Variants in CELSR1 observed in about 807,000 individuals in gnomAD.
CELSR1 encodes cadherin EGF LAG seven-pass G-type receptor 1, also known as adhesion G protein-coupled receptor C1.
In CELSR1, 110 loss-of-function variants were observed where a neutral mutation model predicts 249.1. That is an observed-to-expected ratio of 0.44 (90% confidence interval 0.38 to 0.52). The LOEUF is 0.52. CELSR1 is among the 20% of genes least tolerant of loss of function. The pLI is 0.00. For missense variants in CELSR1, 4,109 were observed against 4,296.4 expected (o/e 0.96, Z 1.22); for synonymous variants, 2,113 against 1,900.0 (o/e 1.11, Z -2.92).
At chr22:46,513,095 T>C (rs2080590205) in intron 1 of CELSR1, among the ~76,000 whole-genome samples, 2 of 151,992 alleles carry the variant, frequency 1.3e-5, no homozygotes. Flanking sequence ...TGGGGCGAGA[T>C]TCAAACCCGC....
intron 24 of CELSR1, among the ~76,000 whole-genome samples, chr22:46,376,668 C>G (rs2078921514): frequency 6.6e-6 from 1 of 152,134 alleles, no homozygotes; most frequent in Non-Finnish European, 1.5e-5. Flanking sequence ...GAGCCACTGC[C>G]CTTAAATCAC....
intron 1 of CELSR1, among the ~76,000 whole-genome samples, chr22:46,521,413 G>A (rs1015088792): frequency 1.3e-5 from 2 of 152,136 alleles, no homozygotes; most frequent in Non-Finnish European, 2.9e-5. Context: ...GCTGAGGCAG[G>A]AGAATGGCAT....
rs111745131 is a variant in CELSR1 at position 46,518,661 on chromosome 22, G to A, written c.3544+14966C>T. 5.3e-5 allele frequency among the ~76,000 whole-genome samples: 8 copies of A among 152,300 alleles called. No homozygotes were observed. In the East Asian group the frequency reaches 5.8e-4, roughly 11 times the overall value. On this transcript the variant is annotated intron_variant, in intron 1 of 34. Coordinates refer to ENST00000674500, the MANE Select transcript of CELSR1 (RefSeq NM_001378328.1). This position sits in a 1 kb window ranked among gnomAD's most constrained non-coding sequence, Gnocchi z 5.2. ...GCACGGTGGCCCACGCCTGTAATCC[G>A]AGTGTGGCTGCGGTCTCTGCCTCCA...
chr22:46,440,441 C>T lies in CELSR1; in HGVS notation c.4184-1030G>A, dbSNP rs570259033. Among the ~76,000 whole-genome samples, 3 of 152,326 alleles carry T rather than the reference C, an allele frequency of 2.0e-5. No individual in the cohort carries two copies. The South Asian group carries it at 6.2e-4, about 32-fold the overall frequency. ...GTCTCCATCTCCTAACCTCGTGATC[C>T]GCCTGCCTTGGCCTCCCAAAGTGCT... On this transcript the variant is annotated intron_variant, in intron 2 of 34. Coordinates refer to ENST00000674500, the MANE Select transcript of CELSR1 (RefSeq NM_001378328.1). This position sits in a 1 kb window ranked among gnomAD's most constrained non-coding sequence, Gnocchi z 4.7.
At position 46,506,128 on chromosome 22, in the gene CELSR1, G is replaced by A. The variant is rs2080511842; in HGVS notation, c.3544+27499C>T. Reference sequence around the variant, plus strand: ...TGGGAGGACGAGGTTGCAGTGAGCTGAGATCACACCATTGCAGTCCAGCCT... The same window carrying A: ...TGGGAGGACGAGGTTGCAGTGAGCTAAGATCACACCATTGCAGTCCAGCCT... On this transcript the variant is annotated intron_variant, in intron 1 of 34. Coordinates refer to ENST00000674500, the MANE Select transcript of CELSR1 (RefSeq NM_001378328.1). The surrounding 1 kb of genome is among the most constrained non-coding windows in gnomAD (Gnocchi z 4.1). Among the ~76,000 whole-genome samples the A allele has an allele frequency of 6.7e-6, 1 of 149,248 alleles. No homozygotes were observed. The highest frequency in any genetic ancestry group is 2.1e-4 in the South Asian group (1 of 4,738).
At position 46,412,260 on chromosome 22, in the gene CELSR1, A is replaced by G. The variant is rs2079346267; in HGVS notation, c.4612-501T>C. On this transcript the variant is annotated intron_variant, in intron 5 of 34. Coordinates refer to ENST00000674500, the MANE Select transcript of CELSR1 (RefSeq NM_001378328.1). This position sits in a 1 kb window ranked among gnomAD's most constrained non-coding sequence, Gnocchi z 4.5. ...ACCCGCGCCTTGACTTCTAGGCACC[A>G]GACTGAGAGAGAATCATGTCTGTTG... 6.6e-6 allele frequency among the ~76,000 whole-genome samples: 1 copy of G among 152,178 alleles called. No individual in the cohort carries two copies. Among genetic ancestry groups the G allele is most frequent in the African/African-American group, 2.4e-5 (1 of 41,448 alleles).
chr22:46,517,701 T>C lies in CELSR1; in HGVS notation c.3544+15926A>G, dbSNP rs961437427. ...TTCATATTTTCCATTCTCTCCTCTT[T>C]GAAGAATTGGGAGAACTTGCGATTA... On this transcript the variant is annotated intron_variant, in intron 1 of 34. Coordinates refer to ENST00000674500, the MANE Select transcript of CELSR1 (RefSeq NM_001378328.1). This position sits in a 1 kb window ranked among gnomAD's most constrained non-coding sequence, Gnocchi z 5.4. Among the ~76,000 whole-genome samples the C allele has an allele frequency of 2.0e-5, 3 of 152,176 alleles. No individual in the cohort carries two copies. The highest frequency in any genetic ancestry group is 7.2e-5 in the African/African-American group (3 of 41,452).
intron 5 of CELSR1, among the ~76,000 whole-genome samples, chr22:46,431,141 G>T (rs6008822): frequency 0.34 from 51,578 of 152,162 alleles, 13,663 homozygotes; most frequent in African/African-American, 0.74. Context: ...CGTCCTCTGT[G>T]TATCTTCTTA....
rs1335363748 is a variant in CELSR1 at position 46,447,171 on chromosome 22, G to A, written c.4184-7760C>T. Among the ~76,000 whole-genome samples, 1 of 152,150 alleles carries A rather than the reference G, an allele frequency of 6.6e-6. No individual in the cohort carries two copies. The highest frequency in any genetic ancestry group is 1.5e-5 in the Non-Finnish European group (1 of 68,028). On this transcript the variant is annotated intron_variant, in intron 2 of 34. Transcript: ENST00000674500. The surrounding 1 kb of genome is among the most constrained non-coding windows in gnomAD (Gnocchi z 4.7). ...ATTTGTAAACACTCCCACCAAGGCT[G>A]AGTTGAAAAGAGATGTGATATGACA...
In CELSR1 at chr22:46,407,961, G is replaced by T. The variant is rs558775759; in HGVS notation, c.5226+1035C>A. Among the ~76,000 whole-genome samples the T allele has an allele frequency of 9.7e-3, 1,472 of 152,306 alleles. 28 individuals are homozygous for T. Among genetic ancestry groups the T allele is most frequent in the African/African-American group, 0.034 (1,394 of 41,564 alleles). ...AGAGGGGCAAGAGGGCAAGCCGAGG[G>T]CCGGGCACCCTCCTGGGGAGGGTCC... On this transcript the variant is annotated intron_variant, in intron 9 of 34. Transcript: ENST00000674500. This position sits in a 1 kb window ranked among gnomAD's most constrained non-coding sequence, Gnocchi z 4.8.
chr22:46,441,036 C>A lies in CELSR1; in HGVS notation c.4184-1625G>T, dbSNP rs1249415897. 1.3e-5 allele frequency among the ~76,000 whole-genome samples: 2 copies of A among 152,134 alleles called. No homozygotes were observed. Among genetic ancestry groups the A allele is most frequent in the East Asian group, 3.9e-4 (2 of 5,168 alleles). ...GGCGTGGTGGCGGGTGCCTGTAATC[C>A]CATCTACTCGGGAGGCTGAGGCAGG... On this transcript the variant is annotated intron_variant, in intron 2 of 34. Transcript: ENST00000674500. This position sits in a 1 kb window ranked among gnomAD's most constrained non-coding sequence, Gnocchi z 6.1.
At position 46,484,731 on chromosome 22, in the gene CELSR1, T is replaced by C. The variant is rs1213039400; in HGVS notation, c.3545-20386A>G. Among the ~76,000 whole-genome samples, 1 of 139,422 alleles carries C rather than the reference T, an allele frequency of 7.2e-6. No individual in the cohort carries two copies. Among genetic ancestry groups the C allele is most frequent in the East Asian group, 2.0e-4 (1 of 4,882 alleles). 91.5% of individuals were successfully genotyped at this position (139,422 alleles called of 152,430 possible). ...AGCGCTCACAGGGACCCCGCCCAGG[T>C]GCTGGGGAGGTCCGGCTGCTGCCTG... On this transcript the variant is annotated intron_variant, in intron 1 of 34. Transcript: ENST00000674500. This position sits in a 1 kb window ranked among gnomAD's most constrained non-coding sequence, Gnocchi z 4.5.
intron 30 of CELSR1, 26 bp downstream of exon 30, chr22:46,366,360 C>G (rs770301403): frequency 6.6e-7 from 1 of 1,513,262 alleles, no homozygotes; most frequent in Non-Finnish European, 8.9e-7. Flanking sequence ...AGAGCCACCT[C>G]CCCGAACCCG....
At chr22:46,497,839 G>C (rs540992340) in intron 1 of CELSR1, among the ~76,000 whole-genome samples, 2 of 152,194 alleles carry the variant, frequency 1.3e-5, no homozygotes, top group East Asian at 3.9e-4. Flanking sequence ...TATTTATTGA[G>C]CTCACACAGA....
At position 46,429,254 on chromosome 22, in the gene CELSR1, G is replaced by A. The variant is rs1025127929; in HGVS notation, c.4611+4139C>T. Among the ~76,000 whole-genome samples the A allele has an allele frequency of 2.6e-5, 4 of 152,176 alleles. No individual in the cohort carries two copies. Among genetic ancestry groups the A allele is most frequent in the African/African-American group, 9.7e-5 (4 of 41,434 alleles). ...ACTTAAGCATAATGAGGGCAAAACC[G>A]ATTCTCAAGTGGGGAGAACGTTTTC... is the stretch of plus-strand genomic sequence containing the variant. On this transcript the variant is annotated intron_variant, in intron 5 of 34. Coordinates refer to ENST00000674500, the MANE Select transcript of CELSR1 (RefSeq NM_001378328.1). This position sits in a 1 kb window ranked among gnomAD's most constrained non-coding sequence, Gnocchi z 4.1.
rs776745088 is a variant in CELSR1 at position 46,397,714 on chromosome 22, G to A, written c.5661C>T (p.Cys1887=). ...TSSPCPPNSR[C]HDAWEDYSCV... ...AGCTGTAGTCCTCCCAGGCGTCGTG[G>A]CAGCGGCTATTGGGGGGACAGGGGC... The change falls in exon 12 of 35, where the codon TGC becomes TGT. Residue 1887 remains cysteine, a synonymous_variant. Transcript: ENST00000674500. 6.3e-6 allele frequency: 10 copies of A among 1,578,396 alleles called. No homozygotes were observed. Among genetic ancestry groups the A allele is most frequent in the Admixed American group, 3.6e-5 (2 of 56,338 alleles).
chr22:46,487,333 G>A (rs1017221557), intron 1 of CELSR1, among the ~76,000 whole-genome samples: 1 of 151,100 alleles, frequency 6.6e-6, no homozygotes, highest in African/African-American at 2.4e-5. Flanking sequence ...TCTTTTTAAA[G>A]ATTCTAATCT....
chr22:46,415,429 C>A (rs888743218), intron 5 of CELSR1, among the ~76,000 whole-genome samples: 1 of 152,140 alleles, frequency 6.6e-6, no homozygotes, highest in African/African-American at 2.4e-5. Context: ...GGATTACAGG[C>A]ATGAGCCACC....
At position 46,390,385 on chromosome 22, in the gene CELSR1, C is replaced by T. The variant is rs1206510162; in HGVS notation, c.6345+7G>A. 6.2e-7 allele frequency: 1 copy of T among 1,610,374 alleles called. No homozygotes were observed. The highest frequency in any genetic ancestry group is 8.5e-7 in the Non-Finnish European group (1 of 1,177,878). On this transcript the variant is annotated splice_region_variant and intron_variant, in intron 17 of 34. Coordinates refer to ENST00000674500, the MANE Select transcript of CELSR1 (RefSeq NM_001378328.1). The surrounding 1 kb of genome is among the most constrained non-coding windows in gnomAD (Gnocchi z 6.3). ...CTGCTGAACACACATCCCCGAGGCG[C>T]CCCTACCATGGCCCTGAGGTCCACG...
Sources: gnomAD v4.1 joint callset for allele counts (sites outside exome capture counted in the v4.1 genomes callset) on GRCh38, gnomAD v4.1.1 for gene constraint, Gnocchi (gnomAD v3.1) non-coding constraint, MANE v1.5 for transcripts, NCBI Gene and HGNC (gene_info 2026-07-23, HGNC 2026-07-21) for gene names.